Variants in THOP1 observed in about 807,000 individuals in gnomAD.
THOP1 encodes thimet oligopeptidase 1.
THOP1 carries 49 observed loss-of-function variants against 71.8 expected under a neutral mutation model. The ratio of observed to expected loss-of-function variants is 0.68; its 90% CI spans 0.54 to 0.87. The LOEUF is 0.87. THOP1 is among the 40% of genes least tolerant of loss of function. The pLI, the probability that THOP1 is intolerant of heterozygous loss-of-function variation, is 0.00. For synonymous variants in THOP1, 426 were observed against 421.5 expected, an observed-to-expected ratio of 1.01 and a Z score of -0.13; for missense variants, 843 against 975.6, an observed-to-expected ratio of 0.86 and a Z score of 1.81.
rs374480819 is a variant in THOP1 at position 2,790,415 on chromosome 19, G to C, written c.17-6G>C. The C allele has an allele frequency of 2.0e-6, 3 of 1,530,404 alleles. No individual in the cohort carries two copies. Among genetic ancestry groups the C allele is most frequent in the Non-Finnish European group, 2.6e-6 (3 of 1,137,896 alleles). 94.8% of individuals were successfully genotyped at this position (1,530,404 alleles called of 1,614,324 possible). ...CCGCCCGGCACTGGGTTTTGTTTCT[G>C]CGTAGCCTGTGCAGGAGACATGGCG... On this transcript the variant is annotated splice_region_variant and splice_polypyrimidine_tract_variant and intron_variant, in intron 1 of 12. Transcript: ENST00000307741.
rs1211281471 is a variant in THOP1 at position 2,807,611 on chromosome 19, C to T, written c.1056C>T (p.Asp352=). Residue 352 remains aspartate (D), a synonymous_variant, in exon 8 of 13, where the codon GAC becomes GAT. Coordinates refer to ENST00000307741, the MANE Select transcript of THOP1 (RefSeq NM_003249.5). ...TGGAGGAGACGCGCTACTGCGTGGA[C>T]CAGAACCTGCTCAAGGAGTACTTCC... The part of the protein sequence containing the change: ...NQVEETRYCV[D]QNLLKEYFPV... 3 of 1,612,538 alleles carry T rather than the reference C, an allele frequency of 1.9e-6. No individual in the cohort carries two copies. The highest frequency in any genetic ancestry group is 2.7e-5 in the African/African-American group (2 of 75,048).
rs1047028506 is a variant in THOP1 at position 2,805,667 on chromosome 19, C to G, written c.750+491C>G. On this transcript the variant is annotated intron_variant, in intron 6 of 12. Transcript: ENST00000307741. The surrounding 1 kb of genome is among the most constrained non-coding windows in gnomAD (Gnocchi z 6.6). ...CATGGTGTGGTCGGTCAGGTGGTCTCTGCACGTCTCCCATTCGCCATCTGG... is the reference window on the plus strand; with the variant it reads ...CATGGTGTGGTCGGTCAGGTGGTCTGTGCACGTCTCCCATTCGCCATCTGG... 6.6e-6 allele frequency among the ~76,000 whole-genome samples: 1 copy of G among 152,146 alleles called. No individual in the cohort carries two copies. The highest frequency in any genetic ancestry group is 2.4e-5 in the African/African-American group (1 of 41,420).
At chr19:2,808,592 C>T (rs922797097) in intron 9 of THOP1, 148 bp downstream of exon 9, 2 of 936,642 alleles carry the variant, frequency 2.1e-6, no homozygotes, top group South Asian at 1.8e-5. Context: ...AAGATGGTGA[C>T]TCCCTGTCAT....
chr19:2,803,404 G>A (rs1483526624), intron 5 of THOP1, among the ~76,000 whole-genome samples: 1 of 152,182 alleles, frequency 6.6e-6, no homozygotes, highest in Non-Finnish European at 1.5e-5. Flanking sequence ...GGGAGTTCAG[G>A]GCCACAGTGA....
intron 2 of THOP1, among the ~76,000 whole-genome samples, chr19:2,794,207 G>T (rs976432748): frequency 6.6e-6 from 1 of 151,862 alleles, no homozygotes; most frequent in East Asian, 1.9e-4. Context: ...TAGAGATGGG[G>T]TTTCACCTTG....
intron 2 of THOP1, among the ~76,000 whole-genome samples, chr19:2,793,892 G>A (rs1915946973): frequency 1.3e-5 from 2 of 152,044 alleles, no homozygotes; most frequent in Non-Finnish European, 2.9e-5. Flanking sequence ...ATTGTGAATC[G>A]CGCTGCTGTG....
At chr19:2,786,259 T>C (rs76062770) in intron 1 of THOP1, among the ~76,000 whole-genome samples, 3,418 of 152,212 alleles carry the variant, frequency 0.022, 133 homozygotes, top group South Asian at 0.15. Flanking sequence ...GGGGACCTTT[T>C]AATTTTGTTA....
intron 2 of THOP1, among the ~76,000 whole-genome samples, chr19:2,794,031 T>C (rs1217120670): frequency 6.6e-6 from 1 of 150,886 alleles, no homozygotes; most frequent in African/African-American, 2.4e-5. Flanking sequence ...TTTTTCTTTT[T>C]TGAGATGGAG....
chr19:2,796,527 G>C (rs1916018277), intron 4 of THOP1, among the ~76,000 whole-genome samples: 1 of 151,392 alleles, frequency 6.6e-6, no homozygotes, highest in South Asian at 2.1e-4. Context: ...GGGAGTGCTG[G>C]GTGGGGGGAG....
At chr19:2,799,964 C>T (rs764472513) in intron 5 of THOP1, among the ~76,000 whole-genome samples, 173 bp downstream of exon 5, 8 of 152,200 alleles carry the variant, frequency 5.3e-5, no homozygotes, top group Admixed American at 3.3e-4. Context: ...TCACCGGAAG[C>T]GCTCCAGGGC....
intron 5 of THOP1, among the ~76,000 whole-genome samples, chr19:2,800,879 A>ACCGTCCCCGCGG (rs1916129346): frequency 6.6e-6 from 1 of 151,944 alleles, no homozygotes; most frequent in African/African-American, 2.4e-5. Flanking sequence ...GGCCACCCGC[A>ACCGTCCCCGCGG]CCATCCCCGT....
intron 1 of THOP1, among the ~76,000 whole-genome samples, chr19:2,787,522 T>C (rs1394258606): frequency 6.6e-6 from 1 of 152,202 alleles, no homozygotes; most frequent in Admixed American, 6.5e-5. Context: ...CCCCTGAAGC[T>C]CTTCTTTACC....
chr19:2,807,295 A>T, intron 7 of THOP1, 147 bp from the exon 8 acceptor site: 2 of 1,334,614 alleles, frequency 1.5e-6, no homozygotes, highest in South Asian at 3.1e-5. Flanking sequence ...GAGCGTGAGG[A>T]TGCTCGGCCC....
At chr19:2,799,311 C>A (rs1002013502) in intron 4 of THOP1, among the ~76,000 whole-genome samples, 1 of 152,252 alleles carries the variant, frequency 6.6e-6, no homozygotes, top group Middle Eastern at 3.4e-3. Context: ...GGCAACAGAG[C>A]GAGTCCCTGT....
intron 4 of THOP1, among the ~76,000 whole-genome samples, chr19:2,796,461 G>T (rs140086144): frequency 9.4e-5 from 14 of 149,520 alleles, no homozygotes; most frequent in Admixed American, 5.3e-4. Context: ...AGGAGTGCTC[G>T]GTCCCAGGGA....
chr19:2,797,306 G>A (rs978261770), intron 4 of THOP1, among the ~76,000 whole-genome samples: 3 of 152,150 alleles, frequency 2.0e-5, no homozygotes, highest in African/African-American at 4.8e-5. Context: ...GTTTGCAGGC[G>A]AGCTGTTGGC....
At chr19:2,793,477 G>A (rs563538540) in intron 2 of THOP1, among the ~76,000 whole-genome samples, 57 of 151,988 alleles carry the variant, frequency 3.8e-4, no homozygotes, top group Middle Eastern at 6.8e-3. Context: ...GGATCATGAG[G>A]TCAGGAGTTC....
intron 1 of THOP1, among the ~76,000 whole-genome samples, chr19:2,788,229 TTA>T (rs1210604888): frequency 6.6e-6 from 1 of 152,100 alleles, no homozygotes; most frequent in Non-Finnish European, 1.5e-5. Flanking sequence ...AGCCTGAGAG[TTA>T]ATGTTTCTTG....
Position 2,813,354 on chromosome 19 carries a change from A to G in THOP1, c.*78A>G. 1 of 1,459,186 alleles carries G rather than the reference A, an allele frequency of 6.9e-7. No individual in the cohort carries two copies. Among genetic ancestry groups the G allele is most frequent in the East Asian group, 2.5e-5 (1 of 40,146 alleles). The allele number at this position is 1,459,186 out of a possible 1,614,324, so 90.4% of individuals were successfully genotyped here. ...CTTAGCCCCCGGCACAGGATGGGGC[A>G]GGCTCTGGCACAGTGCCTGGGACTG... On this transcript the variant is annotated 3_prime_UTR_variant, in exon 13 of 13. Transcript: ENST00000307741.
Sources: allele counts gnomAD v4.1 joint callset (sites outside exome capture counted in the v4.1 genomes callset), GRCh38; gene constraint gnomAD v4.1.1; non-coding constraint Gnocchi (gnomAD v3.1); transcripts MANE v1.5; gene names NCBI Gene and HGNC (gene_info 2026-07-23, HGNC 2026-07-21).